ZNRF3: variants seen among roughly 807,000 people sequenced by gnomAD.
ZNRF3 encodes zinc and ring finger 3, also known as E3 ubiquitin-protein ligase ZNRF3.
In ZNRF3, 23 loss-of-function variants were observed where a neutral mutation model predicts 72.5. The ratio of observed to expected loss-of-function variants is 0.32; its 90% CI spans 0.23 to 0.45. The LOEUF (loss-of-function observed/expected upper bound fraction) is 0.45. ZNRF3 is among the 20% of genes least tolerant of loss of function. ZNRF3 has a pLI of 1.00. For missense variants in ZNRF3, 1,169 were observed against 1,272.1 expected (o/e 0.92, Z 1.23); for synonymous variants, 610 against 545.3 (o/e 1.12, Z -1.65).
In ZNRF3 at chr22:29,049,967, C is replaced by T. The variant is rs539100429; in HGVS notation, c.1786C>T (p.Pro596Ser). 9.9e-6 allele frequency: 16 copies of T among 1,612,218 alleles called. No individual in the cohort carries two copies. Among genetic ancestry groups the T allele is most frequent in the Non-Finnish European group, 1.2e-5 (14 of 1,179,784 alleles). Residue 596 changes from proline (P) to serine (S), a missense_variant, in exon 8 of 9, where the codon CCC (proline) becomes TCC (serine). This residue lies in a region of ZNRF3 where 783 missense variants were observed against 731.4 expected (regional missense o/e 1.07). Coordinates refer to ENST00000544604, the MANE Select transcript of ZNRF3 (RefSeq NM_001206998.2). The surrounding 1 kb of genome is among the most constrained non-coding windows in gnomAD (Gnocchi z 5.2). ...FRSSLSSDYD[P>S]FIYRSRSPCR... ...CAGCTCCCTCAGCAGCGACTATGAC[C>T]CCTTCATCTACCGCAGCCGGAGCCC...
chr22:29,019,060 T>C (rs765030759), intron 2 of ZNRF3, among the ~76,000 whole-genome samples: 5 of 151,658 alleles, frequency 3.3e-5, no homozygotes, highest in Non-Finnish European at 7.4e-5. Flanking sequence ...TGGTCTCTTA[T>C]CATCCAGTAG....
At chr22:29,044,974 T>G (rs938876154) in intron 5 of ZNRF3, 84 bp downstream of exon 5, 8 of 959,560 alleles carry the variant, frequency 8.3e-6, no homozygotes, top group African/African-American at 1.6e-5. Context: ...CACCTTATTT[T>G]TTGATGGTGC....
intron 1 of ZNRF3, among the ~76,000 whole-genome samples, chr22:28,983,845 C>G (rs1179554710): frequency 6.6e-6 from 1 of 152,136 alleles, no homozygotes; most frequent in Non-Finnish European, 1.5e-5. Context: ...CCTTTTTAAA[C>G]CATTGGCCAC....
rs748164262 is a variant in ZNRF3, at chr22:29,050,137, T to C, written c.1956T>C (p.Ser652=). The part of the protein sequence containing the change: ...GRGEPWPGPA[S]PSGDQVSTCS... ...GCGAGCCTTGGCCGGGCCCTGCCTC[T>C]CCCTCGGGGGATCAGGTGTCCACCT... Residue 652 remains serine, a synonymous_variant, in exon 8 of 9, where the codon TCT becomes TCC. Transcript: ENST00000544604. The C allele has an allele frequency of 1.2e-6, 2 of 1,605,582 alleles. No homozygotes were observed. The highest frequency in any genetic ancestry group is 1.3e-5 in the African/African-American group (1 of 74,904).
At chr22:28,977,931 T>A (rs1302241061) in intron 1 of ZNRF3, among the ~76,000 whole-genome samples, 1 of 152,202 alleles carries the variant, frequency 6.6e-6, no homozygotes, top group Non-Finnish European at 1.5e-5. Context: ...TGTACCATAC[T>A]CAAGGGAACA....
intron 1 of ZNRF3, among the ~76,000 whole-genome samples, chr22:28,956,293 G>A (rs1225412870): frequency 6.6e-6 from 1 of 151,124 alleles, no homozygotes; most frequent in Non-Finnish European, 1.5e-5. Context: ...GGCTTTCCTT[G>A]TGAGGTGGGC....
intron 2 of ZNRF3, among the ~76,000 whole-genome samples, chr22:29,004,875 G>A (rs893709255): frequency 2.6e-5 from 4 of 152,232 alleles, no homozygotes; most frequent in Non-Finnish European, 5.9e-5. Flanking sequence ...GAAGGGCAGG[G>A]ACAGAGCAAG....
In ZNRF3 at chr22:29,055,481, G is replaced by A. The variant is rs2037282781; in HGVS notation, c.*1859G>A. The A allele has an allele frequency of 6.6e-6, 1 of 152,198 alleles. No homozygotes were observed. Among genetic ancestry groups the A allele is most frequent in the Non-Finnish European group, 1.5e-5 (1 of 68,048 alleles). The allele number at this position is 152,198 out of a possible 1,614,324, so 9.4% of individuals were successfully genotyped here. A position where few individuals can be genotyped will look rare whatever the true frequency, so the allele number is the denominator to read the frequency against. ...TGATGAGGAAATTTACTTATCTCTAGCTAGGATTTGACAAATTCCAACATC... is the reference window on the plus strand; with the variant it reads ...TGATGAGGAAATTTACTTATCTCTAACTAGGATTTGACAAATTCCAACATC... On this transcript the variant is annotated 3_prime_UTR_variant, in exon 9 of 9. Coordinates refer to ENST00000544604, the MANE Select transcript of ZNRF3 (RefSeq NM_001206998.2).
intron 1 of ZNRF3, among the ~76,000 whole-genome samples, chr22:28,905,988 G>A (rs140150219): frequency 5.6e-4 from 86 of 152,298 alleles, no homozygotes; most frequent in Admixed American, 1.8e-3. Context: ...GTAATTGGAG[G>A]CAGGTAAATC....
chr22:28,946,762 G>A (rs949103179), intron 1 of ZNRF3, among the ~76,000 whole-genome samples: 11 of 152,202 alleles, frequency 7.2e-5, no homozygotes, highest in African/African-American at 2.7e-4. Flanking sequence ...TGGGGAGTGG[G>A]TTTCATTTGT....
chr22:28,977,275 G>A (rs567450454), intron 1 of ZNRF3, among the ~76,000 whole-genome samples: 5 of 152,146 alleles, frequency 3.3e-5, no homozygotes, highest in Non-Finnish European at 5.9e-5. Context: ...TTTGGTGTCT[G>A]GGGTAGTTTC....
At chr22:28,993,411 A>C (rs1043695466) in intron 2 of ZNRF3, among the ~76,000 whole-genome samples, 3 of 152,210 alleles carry the variant, frequency 2.0e-5, no homozygotes, top group African/African-American at 4.8e-5. Flanking sequence ...GCTGGTTTTT[A>C]ATCCTGGCTC....
At chr22:29,040,010 TC>T (rs2036932291) in intron 2 of ZNRF3, among the ~76,000 whole-genome samples, 1 of 152,070 alleles carries the variant, frequency 6.6e-6, no homozygotes, top group Non-Finnish European at 1.5e-5. Context: ...CACTCTCGCC[TC>T]ACACTTTTTC....
chr22:28,966,535 A>C (rs369617825), intron 1 of ZNRF3, among the ~76,000 whole-genome samples: 6 of 152,218 alleles, frequency 3.9e-5, no homozygotes, highest in African/African-American at 1.2e-4. Context: ...CCAGTGGGAC[A>C]AGATGGACAC....
chr22:28,899,689 CTTTCTT>C (rs2034068190), intron 1 of ZNRF3, among the ~76,000 whole-genome samples: 1 of 140,686 alleles, frequency 7.1e-6, no homozygotes, highest in African/African-American at 2.6e-5. Context: ...TTCTTTCTTT[CTTTCTT>C]TTTTTTTTTT....
intron 1 of ZNRF3, among the ~76,000 whole-genome samples, chr22:28,896,461 G>A (rs1488885165): frequency 1.3e-5 from 2 of 151,990 alleles, no homozygotes; most frequent in Non-Finnish European, 2.9e-5. Context: ...ACAGGGTTTC[G>A]CCATGTTGGC....
intron 1 of ZNRF3, among the ~76,000 whole-genome samples, chr22:28,955,756 T>TA (rs879724130): frequency 0.022 from 3,108 of 138,906 alleles, 82 homozygotes; most frequent in African/African-American, 0.07. Context: ...CTGTCTCTAT[T>TA]AAAAAAAAAA....
chr22:28,974,149 GAC>G (rs1461018494), intron 1 of ZNRF3, among the ~76,000 whole-genome samples: 1 of 151,986 alleles, frequency 6.6e-6, no homozygotes, highest in Non-Finnish European at 1.5e-5. Context: ...TTTTAGTAGA[GAC>G]GGAGTTTCAC....
Position 29,050,321 on chromosome 22 carries a change from T to C in ZNRF3, c.2140T>C (p.Cys714Arg). Reference protein sequence around the residue: ...GHELPSCACCCEPQPSPAGPS... With the variant: ...GHELPSCACCREPQPSPAGPS... Reference sequence around the variant, plus strand: ...CGAGTTGCCGTCGTGTGCCTGCTGCTGCGAGCCCCAGCCCTCCCCAGCCGG... The same window carrying C: ...CGAGTTGCCGTCGTGTGCCTGCTGCCGCGAGCCCCAGCCCTCCCCAGCCGG... The change falls in exon 8 of 9, where the codon TGC becomes CGC. Residue 714 changes from cysteine (C) to arginine (R), a missense_variant. Cys to Arg is a radical substitution (Grantham distance 180, BLOSUM62 -3). This residue lies in a region of ZNRF3 where 783 missense variants were observed against 731.4 expected (regional missense o/e 1.07). Transcript: ENST00000544604. 5.6e-6 allele frequency: 9 copies of C among 1,600,064 alleles called. No homozygotes were observed. The highest frequency in any genetic ancestry group is 7.6e-6 in the Non-Finnish European group (9 of 1,177,596).
Sources: allele counts gnomAD v4.1 joint callset (sites outside exome capture counted in the v4.1 genomes callset), GRCh38; gene constraint gnomAD v4.1.1; regional missense constraint gnomAD v4.1.1; non-coding constraint Gnocchi (gnomAD v3.1); transcripts MANE v1.5; gene names NCBI Gene and HGNC (gene_info 2026-07-23, HGNC 2026-07-21).